SPAG16: variants seen among roughly 807,000 people sequenced by gnomAD.
SPAG16 encodes the protein sperm-associated antigen 16 protein.
SPAG16 carries 86 observed loss-of-function variants against 80.4 expected under a neutral mutation model. The observed-to-expected ratio is 1.07, with a 90% CI of 0.90 to 1.28. The LOEUF is 1.28. Ranked by LOEUF, SPAG16 falls within the 50% of genes most tolerant of loss-of-function variation. The pLI is 0.00. For synonymous variants in SPAG16, 294 were observed against 265.9 expected, an observed-to-expected ratio of 1.11 and a Z score of -1.03; for missense variants, 870 against 765.3, an observed-to-expected ratio of 1.14 and a Z score of -1.61.
chr2:213,467,658 C>T (rs2072776957), intron 9 of SPAG16, among the ~76,000 whole-genome samples: 1 of 152,202 alleles, frequency 6.6e-6, no homozygotes, highest in Non-Finnish European at 1.5e-5. Flanking sequence ...ACTTGGGGCT[C>T]CTGAATGGCA....
At chr2:214,176,907 C>T (rs1030129150) in intron 15 of SPAG16, among the ~76,000 whole-genome samples, 2 of 150,818 alleles carry the variant, frequency 1.3e-5, no homozygotes, top group South Asian at 2.1e-4. Flanking sequence ...CTTTTCTAGA[C>T]TTTATTAACG....
At chr2:213,808,886 G>A (rs942482876) in intron 10 of SPAG16, among the ~76,000 whole-genome samples, 3 of 152,182 alleles carry the variant, frequency 2.0e-5, no homozygotes, top group African/African-American at 4.8e-5. Flanking sequence ...CAGGCCCCAT[G>A]TTCTATTGGA....
chr2:214,098,440 T>C (rs2052753771), intron 13 of SPAG16, among the ~76,000 whole-genome samples: 1 of 151,960 alleles, frequency 6.6e-6, no homozygotes, highest in African/African-American at 2.4e-5. Flanking sequence ...AAATGCAATA[T>C]GACTAGTGTC....
chr2:213,355,483 T>C (rs1332307866), intron 7 of SPAG16, among the ~76,000 whole-genome samples: 1 of 152,244 alleles, frequency 6.6e-6, no homozygotes, highest in Non-Finnish European at 1.5e-5. Context: ...ATATTGATTG[T>C]TCCTATCCGT....
intron 10 of SPAG16, among the ~76,000 whole-genome samples, chr2:213,809,479 G>GA (rs745835077): frequency 3.9e-5 from 6 of 151,946 alleles, no homozygotes; most frequent in Non-Finnish European, 7.4e-5. Flanking sequence ...AGCTCTAAAT[G>GA]AAAAAAGAGG....
intron 12 of SPAG16, among the ~76,000 whole-genome samples, chr2:214,000,460 A>G (rs1166281957): frequency 2.0e-5 from 3 of 152,166 alleles, no homozygotes; most frequent in African/African-American, 4.8e-5. Context: ...CAGCATGAAA[A>G]CAGACTAATA....
intron 14 of SPAG16, among the ~76,000 whole-genome samples, chr2:214,130,311 A>C (rs904994379): frequency 2.6e-5 from 4 of 152,002 alleles, no homozygotes; most frequent in Non-Finnish European, 5.9e-5. Context: ...CTTTTACAAC[A>C]CCTTTCTGAG....
At chr2:213,929,832 A>T (rs2078668890) in intron 11 of SPAG16, 128 bp from the exon 12 acceptor site, 2 of 737,798 alleles carry the variant, frequency 2.7e-6, no homozygotes, top group African/African-American at 1.8e-5. Flanking sequence ...TTAGTCATTT[A>T]GATATGCCAC....
chr2:214,281,740 A>G (rs985998142), intron 15 of SPAG16, among the ~76,000 whole-genome samples: 1 of 152,242 alleles, frequency 6.6e-6, no homozygotes, highest in African/African-American at 2.4e-5. Context: ...CTTGTACCCA[A>G]ATATTCATAG....
At chr2:213,577,742 G>T (rs1216128194) in intron 10 of SPAG16, among the ~76,000 whole-genome samples, 1 of 152,024 alleles carries the variant, frequency 6.6e-6, no homozygotes, top group Admixed American at 6.6e-5. Flanking sequence ...CTCATTCAAA[G>T]TTGCTCGGTT....
At chr2:214,270,094 C>T (rs1443364879) in intron 15 of SPAG16, among the ~76,000 whole-genome samples, 5 of 152,152 alleles carry the variant, frequency 3.3e-5, no homozygotes, top group African/African-American at 4.8e-5. Context: ...TCATCACACT[C>T]ATCTTTGTAT....
At chr2:213,417,538 G>A (rs1327649212) in intron 9 of SPAG16, among the ~76,000 whole-genome samples, 1 of 152,176 alleles carries the variant, frequency 6.6e-6, no homozygotes, top group Non-Finnish European at 1.5e-5. Context: ...GTTAAAAACT[G>A]TTATAGAACT....
intron 13 of SPAG16, among the ~76,000 whole-genome samples, chr2:214,097,548 G>A (rs941289582): frequency 6.6e-6 from 1 of 151,974 alleles, no homozygotes; most frequent in East Asian, 1.9e-4. Context: ...CTCCATGAGT[G>A]TCCTTTTATA....
chr2:213,774,853 C>T (rs2069472747), intron 10 of SPAG16, among the ~76,000 whole-genome samples: 1 of 152,130 alleles, frequency 6.6e-6, no homozygotes, highest in Admixed American at 6.5e-5. Context: ...TCTCAGGCTT[C>T]AAATGGTCTA....
intron 10 of SPAG16, among the ~76,000 whole-genome samples, chr2:213,522,319 A>T (rs887584684): frequency 1.3e-5 from 2 of 152,242 alleles, no homozygotes; most frequent in Non-Finnish European, 2.9e-5. Context: ...ACATGAGACA[A>T]TATATTTTAA....
chr2:214,074,335 G>A (rs2050956431), intron 13 of SPAG16, among the ~76,000 whole-genome samples: 1 of 152,042 alleles, frequency 6.6e-6, no homozygotes, highest in South Asian at 2.1e-4. Context: ...GAATGATATA[G>A]GATCAATTTC....
chr2:214,326,096 C>T (rs1411880721), intron 15 of SPAG16, among the ~76,000 whole-genome samples: 1 of 152,134 alleles, frequency 6.6e-6, no homozygotes, highest in Non-Finnish European at 1.5e-5. Flanking sequence ...TATAATGTGT[C>T]AGTGTCATTT....
At chr2:213,576,411 G>A (rs2060127519) in intron 10 of SPAG16, among the ~76,000 whole-genome samples, 1 of 152,058 alleles carries the variant, frequency 6.6e-6, no homozygotes, top group Non-Finnish European at 1.5e-5. Flanking sequence ...GGAAGACAGT[G>A]TGGCAACTCC....
intron 10 of SPAG16, among the ~76,000 whole-genome samples, chr2:213,652,329 G>C (rs952523473): frequency 6.7e-6 from 1 of 150,116 alleles, no homozygotes; most frequent in Non-Finnish European, 1.5e-5. Flanking sequence ...TTTTTTTAAT[G>C]AATATTCACC....
Sources: allele counts gnomAD v4.1 joint callset (sites outside exome capture counted in the v4.1 genomes callset), GRCh38; gene constraint gnomAD v4.1.1; transcripts MANE v1.5; gene names NCBI Gene and HGNC (gene_info 2026-07-23, HGNC 2026-07-21).